Variants in MYBPC1 observed in about 807,000 individuals in gnomAD.
The protein encoded by MYBPC1 is myosin-binding protein C, slow-type.
A neutral mutation model predicts 147.1 loss-of-function variants in MYBPC1; 52 were observed. The ratio of observed to expected loss-of-function variants is 0.35; its 90% CI spans 0.28 to 0.45. The LOEUF is 0.45. Ranked by LOEUF, MYBPC1 falls within the 20% of genes least tolerant of loss-of-function variation. The pLI, the probability that MYBPC1 is intolerant of heterozygous loss-of-function variation, is 1.00. For synonymous variants in MYBPC1, 477 were observed against 475.9 expected (o/e 1.00, Z -0.03); for missense variants, 1,228 against 1,440.3 (o/e 0.85, Z 2.39).
At chr12:101,635,618 T>G (rs373845332) in intron 9 of MYBPC1, among the ~76,000 whole-genome samples, 27 of 152,308 alleles carry the variant, frequency 1.8e-4, no homozygotes, top group African/African-American at 6.3e-4. Flanking sequence ...TCATACTGTA[T>G]ACAAGTATAT....
At chr12:101,680,248 G>A (rs1950847801) in intron 28 of MYBPC1, 95 bp from the exon 29 acceptor site, 1 of 1,217,498 alleles carries the variant, frequency 8.2e-7, no homozygotes, top group African/African-American at 1.5e-5. Context: ...TTCTTTTTAA[G>A]CCATGCTTTA....
At chr12:101,688,945 C>T (rs1315650982), downstream of MYBPC1, among the ~76,000 whole-genome samples, 8 of 125,464 alleles carry the variant, frequency 6.4e-5, no homozygotes, top group Admixed American at 2.9e-4. Flanking sequence ...CAGAGCCAGA[C>T]CGTATCTCAA....
intron 9 of MYBPC1, among the ~76,000 whole-genome samples, chr12:101,635,686 T>G (rs1400705487): frequency 6.6e-6 from 1 of 152,162 alleles, no homozygotes; most frequent in Non-Finnish European, 1.5e-5. Context: ...CAGAAATGTA[T>G]TTACTTCAAA....
the MYBPC1 span, among the ~76,000 whole-genome samples, chr12:101,695,662 C>T: frequency 2.0e-5 from 3 of 152,162 alleles, no homozygotes; most frequent in Admixed American, 2.0e-4. Context: ...ATGACTGGAG[C>T]TTCACCAGCC....
In MYBPC1 at chr12:101,673,482, A is replaced by G. The variant is rs752963524; in HGVS notation, c.2669A>G (p.Asn890Ser). 2.5e-6 allele frequency: 4 copies of G among 1,613,910 alleles called. No homozygotes were observed. The highest frequency in any genetic ancestry group is 3.4e-6 in the Non-Finnish European group (4 of 1,180,002). ...WKKDGAEIDK[N>S]QINIRNSETD... ...AAGGATGGTGCAGAAATTGATAAGA[A>G]TCAAATAAACATTCGCAACTCTGAG... The change falls in exon 25 of 32, where the codon AAT becomes AGT. Residue 890 changes from asparagine to serine, a missense_variant. Transcript: ENST00000361466.
Position 101,604,206 on chromosome 12 carries a change from A to G in MYBPC1, c.25+9111A>G, listed in dbSNP as rs577606550. On this transcript the variant is annotated intron_variant, in intron 1 of 31. Coordinates refer to ENST00000361466, the MANE Select transcript of MYBPC1 (RefSeq NM_002465.4). ...ATGAGAAGCTATTTGTTGCTATGTA[A>G]TAAGGACCATATTTTAATCCTCTTC... 2.6e-5 allele frequency among the ~76,000 whole-genome samples: 4 copies of G among 152,302 alleles called. No homozygotes were observed. The South Asian group carries it at 8.3e-4, about 32-fold the overall frequency.
chr12:101,622,770 G>T (rs1887725820), intron 3 of MYBPC1, among the ~76,000 whole-genome samples: 1 of 151,750 alleles, frequency 6.6e-6, no homozygotes. Flanking sequence ...ATAAAAGAAA[G>T]GAAACAGTAA....
chr12:101,695,709 A>G, the MYBPC1 span, among the ~76,000 whole-genome samples: 1 of 152,186 alleles, frequency 6.6e-6, no homozygotes, highest in Non-Finnish European at 1.5e-5. Context: ...GATACAAGTC[A>G]GAGAGGATAT....
At chr12:101,622,858 A>G (rs935243503) in intron 3 of MYBPC1, among the ~76,000 whole-genome samples, 1 of 152,246 alleles carries the variant, frequency 6.6e-6, no homozygotes, top group African/African-American at 2.4e-5. Context: ...AAGATTGCCA[A>G]TTGAGAAGTA....
At chr12:101,616,305 AG>A (rs1213313678) in intron 2 of MYBPC1, among the ~76,000 whole-genome samples, 2 of 152,178 alleles carry the variant, frequency 1.3e-5, no homozygotes, top group Non-Finnish European at 2.9e-5. Context: ...ACCAACATTG[AG>A]TACACTGAGA....
rs1355174668 is a variant in MYBPC1 at position 101,675,300 on chromosome 12, G to C, written c.2818G>C (p.Gly940Arg). 6.2e-7 allele frequency: 1 copy of C among 1,614,050 alleles called. No homozygotes were observed. The highest frequency in any genetic ancestry group is 1.1e-5 in the South Asian group (1 of 91,074). The change falls in exon 26 of 32, where the codon GGT (glycine) becomes CGT (arginine). Residue 940 changes from glycine to arginine, a missense_variant. Transcript: ENST00000361466. ...SIDIQIIDRP[G>R]PPQIVKIEDV... The stretch of plus-strand genomic sequence containing the variant: ...ATGAATTCATCCTGTAGACCGTCCA[G>C]GTCCACCCCAAATTGTGAAGATTGA...
rs142307641 is a variant in MYBPC1 at position 101,675,007 on chromosome 12, C to T, written c.2810-285C>T. Among the ~76,000 whole-genome samples the T allele has an allele frequency of 0.014, 2,170 of 151,958 alleles. 25 individuals carry two copies. Among genetic ancestry groups the T allele is most frequent in the Middle Eastern group, 0.034 (10 of 290 alleles). ...AAGGGGCAACTTCCTGTAACAGCCT[C>T]CCTTAAAGGGTCATTCCCTTTAAAC... On this transcript the variant is annotated intron_variant, in intron 25 of 31. Coordinates refer to ENST00000361466, the MANE Select transcript of MYBPC1 (RefSeq NM_002465.4).
chr12:101,622,021 C>T (rs936669334), intron 3 of MYBPC1, among the ~76,000 whole-genome samples: 1 of 152,158 alleles, frequency 6.6e-6, no homozygotes. Flanking sequence ...GTAAACTGCC[C>T]TTCTATGTAG....
At chr12:101,629,667 G>A (rs1268367022) in intron 6 of MYBPC1, 123 bp downstream of exon 6, 1 of 723,950 alleles carries the variant, frequency 1.4e-6, no homozygotes, top group East Asian at 2.8e-5. Context: ...GAGCTCAGGA[G>A]TTCGAGACCA....
chr12:101,628,683 G>A (rs569643567), intron 5 of MYBPC1, among the ~76,000 whole-genome samples: 1 of 152,150 alleles, frequency 6.6e-6, no homozygotes, highest in Non-Finnish European at 1.5e-5. Context: ...CCTAGAATTG[G>A]AATTGACTGC....
intron 3 of MYBPC1, among the ~76,000 whole-genome samples, chr12:101,622,871 T>A (rs1380165378): frequency 1.3e-5 from 2 of 152,252 alleles, no homozygotes; most frequent in Non-Finnish European, 2.9e-5. Flanking sequence ...GAGAAGTAAT[T>A]GCTATTTGAC....
intron 15 of MYBPC1, 112 bp from the exon 16 acceptor site, chr12:101,651,119 C>A: frequency 8.7e-7 from 1 of 1,152,238 alleles, no homozygotes; most frequent in Non-Finnish European, 1.3e-6. Context: ...TACAGCTTCT[C>A]ACTTTCAAAA....
downstream of MYBPC1, among the ~76,000 whole-genome samples, chr12:101,687,434 T>C (rs1040594362): frequency 1.3e-5 from 2 of 152,194 alleles, no homozygotes; most frequent in African/African-American, 2.4e-5. Flanking sequence ...TAGTATTCCA[T>C]GGTGTATATG....
chr12:101,625,055 G>A (rs1292067663), intron 3 of MYBPC1, among the ~76,000 whole-genome samples: 1 of 152,034 alleles, frequency 6.6e-6, no homozygotes, highest in Non-Finnish European at 1.5e-5. Flanking sequence ...CAATAAAACT[G>A]GTTATGACTT....
Sources: gnomAD v4.1 joint callset for allele counts (sites outside exome capture counted in the v4.1 genomes callset) on GRCh38, gnomAD v4.1.1 for gene constraint, MANE v1.5 for transcripts, NCBI Gene and HGNC (gene_info 2026-07-23, HGNC 2026-07-21) for gene names.